PUM2: variants seen among roughly 807,000 people sequenced by gnomAD.
The protein encoded by PUM2 is pumilio RNA binding family member 2, also known as pumilio homolog 2.
PUM2 carries 57 observed loss-of-function variants against 124.5 expected under a neutral mutation model. The ratio of observed to expected loss-of-function variants is 0.46; its 90% CI spans 0.37 to 0.57. PUM2 has a LOEUF of 0.57. Among genes scored for constraint, PUM2 ranks in the 20% least tolerant of loss-of-function variants. The pLI is 0.00. For missense variants in PUM2, 1,065 were observed against 1,290.6 expected, an observed-to-expected ratio of 0.83 and a Z score of 2.68; for synonymous variants, 460 against 446.1, an observed-to-expected ratio of 1.03 and a Z score of -0.39.
intron 13 of PUM2, among the ~76,000 whole-genome samples, chr2:20,272,838 A>G (rs967463271): frequency 3.3e-5 from 5 of 152,214 alleles, no homozygotes; most frequent in African/African-American, 1.2e-4. Flanking sequence ...TCAGCATTTT[A>G]TAGTTTATAA....
chr2:20,274,580 A>G (rs923649631), intron 13 of PUM2, among the ~76,000 whole-genome samples: 6 of 152,082 alleles, frequency 3.9e-5, no homozygotes, highest in Non-Finnish European at 7.4e-5. Context: ...TGCTGAATAC[A>G]TGACATTCTT....
chr2:20,313,470 A>G (rs1479740361), intron 3 of PUM2, among the ~76,000 whole-genome samples: 1 of 152,236 alleles, frequency 6.6e-6, no homozygotes, highest in Admixed American at 6.5e-5. Flanking sequence ...TATAAACATC[A>G]TTTTAAAAAG....
chr2:20,337,487 C>T (rs977897645), intron 1 of PUM2, among the ~76,000 whole-genome samples: 2 of 152,138 alleles, frequency 1.3e-5, no homozygotes, highest in Admixed American at 1.3e-4. Context: ...ATTCTCTCTA[C>T]ATGTTTGAAA....
chr2:20,317,757 C>T (rs1681348765), intron 3 of PUM2, among the ~76,000 whole-genome samples: 1 of 152,078 alleles, frequency 6.6e-6, no homozygotes, highest in African/African-American at 2.4e-5. Context: ...CTCTTTGTGT[C>T]CCTGTGTTCT....
chr2:20,294,608 G>A, intron 8 of PUM2, 90 bp from the exon 9 acceptor site: 1 of 1,364,112 alleles, frequency 7.3e-7, no homozygotes. Flanking sequence ...ATAAAAGGGG[G>A]CAGGAAGAAG....
intron 1 of PUM2, among the ~76,000 whole-genome samples, chr2:20,342,132 A>T (rs1397232173): frequency 3.3e-5 from 5 of 151,400 alleles, no homozygotes; most frequent in Non-Finnish European, 7.4e-5. Flanking sequence ...CTGTCTCAAA[A>T]AAAAAAAAAA....
intron 1 of PUM2, chr2:20,350,320 G>T: frequency 2.9e-6 from 1 of 344,276 alleles, no homozygotes; most frequent in Non-Finnish European, 4.1e-6. Context: ...AACCGGGTCG[G>T]CGCCCCACGC....
chr2:20,336,712 T>TGTGTGTGTGTGTG (rs201731555), intron 1 of PUM2, among the ~76,000 whole-genome samples: 1 of 133,858 alleles, frequency 7.5e-6, no homozygotes, highest in African/African-American at 2.9e-5. Flanking sequence ...TGTGTGTGTG[T>TGTGTGTGTGTGTG]TACAGACGGG....
intron 7 of PUM2, 73 bp from the exon 8 acceptor site, chr2:20,297,751 C>A: frequency 1.0e-5 from 14 of 1,372,844 alleles, no homozygotes; most frequent in African/African-American, 1.4e-5. Flanking sequence ...AAAAACATTT[C>A]TACTCTGAAT....
At chr2:20,335,621 G>C (rs184599341) in intron 1 of PUM2, among the ~76,000 whole-genome samples, 8 of 152,202 alleles carry the variant, frequency 5.3e-5, no homozygotes, top group African/African-American at 1.9e-4. Flanking sequence ...CTTTCATGGG[G>C]GAGTTACCTC....
At chr2:20,280,074 G>T (rs1444770689) in intron 12 of PUM2, among the ~76,000 whole-genome samples, 2 of 151,962 alleles carry the variant, frequency 1.3e-5, no homozygotes, top group Non-Finnish European at 2.9e-5. Context: ...GTCATACAGG[G>T]TATAAAGAAA....
At position 20,278,738 on chromosome 2, in the gene PUM2, C is replaced by T; in HGVS notation, c.1802G>A (p.Ser601Asn). The T allele has an allele frequency of 6.2e-7, 1 of 1,613,486 alleles. No individual in the cohort carries two copies. Among genetic ancestry groups the T allele is most frequent in the Non-Finnish European group, 8.5e-7 (1 of 1,179,698 alleles). Reference protein sequence around the residue: ...SSDLYKRSSSSLAPIGQPFYN... With the variant: ...SSDLYKRSSSNLAPIGQPFYN... ...AAATGGTTGCCCTATGGGTGCTAGG[C>T]TGCTACTAGATCTTTTGTACAAGTC... Residue 601 changes from serine (S) to asparagine (N), a missense_variant, in exon 13 of 21, where the codon AGC (serine) becomes AAC (asparagine). This residue lies in a region of PUM2 where 968 missense variants were observed against 1,159.8 expected (regional missense o/e 0.83). Coordinates refer to ENST00000361078, the MANE Select transcript of PUM2 (RefSeq NM_015317.5).
At chr2:20,255,115 C>T in intron 18 of PUM2, 101 bp downstream of exon 18, 4 of 1,471,362 alleles carry the variant, frequency 2.7e-6, no homozygotes, top group African/African-American at 1.4e-5. Context: ...TTTTGTCTCA[C>T]TCTTGTCTAT....
intron 13 of PUM2, among the ~76,000 whole-genome samples, chr2:20,265,152 T>C (rs1322479626): frequency 6.6e-6 from 1 of 150,996 alleles, no homozygotes; most frequent in African/African-American, 2.4e-5. Context: ...CTCAGGAGGC[T>C]GAGGCAGGAG....
intron 13 of PUM2, among the ~76,000 whole-genome samples, chr2:20,273,187 T>C (rs890182083): frequency 6.6e-6 from 1 of 152,208 alleles, no homozygotes; most frequent in East Asian, 1.9e-4. Context: ...ACTGAAAATT[T>C]CAGTGGGACG....
intron 7 of PUM2, among the ~76,000 whole-genome samples, chr2:20,300,591 T>C (rs541405104): frequency 5.9e-5 from 9 of 152,324 alleles, no homozygotes; most frequent in African/African-American, 2.2e-4. Context: ...CCTTTCATTT[T>C]AAAGCCATTC....
At chr2:20,266,798 G>A (rs906808365) in intron 13 of PUM2, among the ~76,000 whole-genome samples, 1 of 152,026 alleles carries the variant, frequency 6.6e-6, no homozygotes, top group South Asian at 2.1e-4. Context: ...AAAGTAATCC[G>A]TGATCCTCAA....
intron 10 of PUM2, among the ~76,000 whole-genome samples, chr2:20,286,305 TG>T (rs1672725070): frequency 2.6e-5 from 4 of 152,326 alleles, no homozygotes; most frequent in African/African-American, 9.6e-5. Context: ...GAAAGGTAGT[TG>T]AATTCGGAGA....
At chr2:20,300,069 G>A (rs181798804) in intron 7 of PUM2, among the ~76,000 whole-genome samples, 14 of 152,218 alleles carry the variant, frequency 9.2e-5, no homozygotes, top group Non-Finnish European at 1.6e-4. Context: ...TAAGGTCTGC[G>A]TTGATGTTAA....
Sources: allele counts gnomAD v4.1 joint callset (sites outside exome capture counted in the v4.1 genomes callset), GRCh38; gene constraint gnomAD v4.1.1; regional missense constraint gnomAD v4.1.1; transcripts MANE v1.5; gene names NCBI Gene and HGNC (gene_info 2026-07-23, HGNC 2026-07-21).